The following RBM39 variants were observed in gnomAD, a reference collection of about 807,000 sequenced individuals.
RBM39 encodes RNA binding motif protein 39.
In RBM39, 12 loss-of-function variants were observed where a neutral mutation model predicts 79.6. The observed-to-expected ratio is 0.15, with a 90% CI of 0.10 to 0.24. RBM39 has a LOEUF of 0.24. RBM39 is among the 10% of genes least tolerant of loss of function. The pLI, the probability that RBM39 is intolerant of heterozygous loss-of-function variation, is 1.00. For synonymous variants in RBM39, 185 were observed against 208.4 expected, an observed-to-expected ratio of 0.89 and a Z score of 0.97; for missense variants, 243 against 653.4, an observed-to-expected ratio of 0.37 and a Z score of 6.85.
chr20:35,739,805 C>G (rs2040333841), intron 2 of RBM39: 1 of 256,274 alleles, frequency 3.9e-6, no homozygotes, highest in Non-Finnish European at 7.9e-6. Context: ...ATTGGTACCA[C>G]ATGGTCGTGC....
Position 35,714,407 on chromosome 20 carries a change from C to G in RBM39, c.892-18G>C. The stretch of plus-strand genomic sequence containing the variant: ...TCAGAAAACTACATGATAGGGGAGG[C>G]AAGGACAGGAGACAGTGCTTTAATT... On this transcript the variant is annotated intron_variant, in intron 10 of 16. Coordinates refer to ENST00000253363, the MANE Select transcript of RBM39 (RefSeq NM_184234.3). The G allele has an allele frequency of 6.2e-7, 1 of 1,611,562 alleles. No homozygotes were observed. The highest frequency in any genetic ancestry group is 8.5e-7 in the Non-Finnish European group (1 of 1,178,362).
rs772464305 is a variant in RBM39 at position 35,704,444 on chromosome 20, G to GA, written c.*36dup. On this transcript the variant is annotated 3_prime_UTR_variant, in exon 17 of 17. Transcript: ENST00000253363. Reference sequence around the variant, plus strand: ...TAACTCAAGATGAATTCTCAAGAAAGAAAAAAAGCTATATACATAAGGGAC... The same window carrying GA: ...TAACTCAAGATGAATTCTCAAGAAAGAAAAAAAAGCTATATACATAAGGGAC... 14 of 1,408,740 alleles carry GA rather than the reference G, an allele frequency of 9.9e-6. No individual in the cohort carries two copies. Among genetic ancestry groups the GA allele is most frequent in the East Asian group, 4.6e-5 (2 of 43,596 alleles). 87.3% of individuals were successfully genotyped at this position (1,408,740 alleles called of 1,614,324 possible).
At chr20:35,739,257 T>C (rs1379578688) in intron 2 of RBM39, 18 of 529,858 alleles carry the variant, frequency 3.4e-5, no homozygotes, top group Non-Finnish European at 2.0e-5. Flanking sequence ...ACATGTTAAA[T>C]TTTACTTTCT....
chr20:35,728,948 T>C (rs752455865), intron 6 of RBM39, among the ~76,000 whole-genome samples: 3 of 151,826 alleles, frequency 2.0e-5, no homozygotes, highest in Non-Finnish European at 4.4e-5. Context: ...TGGTGGTGCA[T>C]GCCTGTAATC....
chr20:35,727,294 G>T (rs2038833540), intron 6 of RBM39, among the ~76,000 whole-genome samples: 1 of 151,646 alleles, frequency 6.6e-6, no homozygotes, highest in Admixed American at 6.6e-5. Flanking sequence ...AAACTGCAGT[G>T]AGACATGATT....
intron 3 of RBM39, chr20:35,736,711 C>T (rs2039959645): frequency 7.5e-6 from 3 of 401,012 alleles, no homozygotes; most frequent in Non-Finnish European, 1.5e-5. Context: ...AGTACAATGG[C>T]ATAATCTCAG....
chr20:35,721,688 TTA>T, intron 9 of RBM39, 50 bp downstream of exon 9: 1 of 1,586,782 alleles, frequency 6.3e-7, no homozygotes, highest in African/African-American at 1.3e-5. Context: ...AATTATGTAG[TTA>T]TACTCAGATC....
chr20:35,731,503 T>G (rs1364654090), intron 4 of RBM39: 1 of 157,904 alleles, frequency 6.3e-6, no homozygotes, highest in Non-Finnish European at 1.4e-5. Context: ...GACAGACTTT[T>G]TATTTACTGT....
intron 15 of RBM39, 195 bp from the exon 16 acceptor site, chr20:35,704,941 C>G: frequency 1.7e-6 from 1 of 600,774 alleles, no homozygotes; most frequent in Non-Finnish European, 2.9e-6. Flanking sequence ...GCCGTTTTAT[C>G]TTTTCTCTAC....
intron 3 of RBM39, among the ~76,000 whole-genome samples, chr20:35,738,636 G>A (rs1464203299): frequency 6.6e-6 from 1 of 152,050 alleles, no homozygotes; most frequent in African/African-American, 2.4e-5. Context: ...TAAGATCAAT[G>A]GATATATAAC....
In RBM39 at chr20:35,740,891, G is replaced by A. The variant is rs1245076602; in HGVS notation, c.-13-4C>T. 2 of 1,601,524 alleles carry A rather than the reference G, an allele frequency of 1.2e-6. No homozygotes were observed. Among genetic ancestry groups the A allele is most frequent in the African/African-American group, 1.3e-5 (1 of 74,226 alleles). On this transcript the variant is annotated splice_region_variant and splice_polypyrimidine_tract_variant and intron_variant, in intron 1 of 16. Transcript: ENST00000253363. ...GTCTGCCATTTTCTCTAAACGCCTA[G>A]GAAGAGAACAAGACAATTTCTTGAG...
intron 4 of RBM39, among the ~76,000 whole-genome samples, chr20:35,730,906 TTTTTA>T (rs1437399371): frequency 1.4e-4 from 21 of 152,248 alleles, no homozygotes; most frequent in Non-Finnish European, 1.9e-4. Context: ...AGTTTAATTC[TTTTTA>T]TTTTAAAGAT....
chr20:35,704,545 G>C lies in RBM39; in HGVS notation c.1529C>G (p.Thr510Ser). 1 of 1,613,696 alleles carries C rather than the reference G, an allele frequency of 6.2e-7. No homozygotes were observed. The highest frequency in any genetic ancestry group is 8.5e-7 in the Non-Finnish European group (1 of 1,179,628). Reference sequence around the variant, plus strand: ...AGAATCAGGAAACAGGTTGTGGTAAGTTGGAAGAGGTACATATGCTGCTGT... The same window carrying C: ...AGAATCAGGAAACAGGTTGTGGTAACTTGGAAGAGGTACATATGCTGCTGT... The part of the protein sequence containing the change: ...MITAAYVPLP[T>S]YHNLFPDSMT... The change falls in exon 17 of 17, where the codon ACT (threonine) becomes AGT (serine). Residue 510 changes from threonine (T) to serine (S), a missense_variant. Transcript: ENST00000253363.
At chr20:35,728,745 C>T (rs2039036762) in intron 6 of RBM39, among the ~76,000 whole-genome samples, 1 of 152,064 alleles carries the variant, frequency 6.6e-6, no homozygotes, top group African/African-American at 2.4e-5. Flanking sequence ...CCACTGCACT[C>T]CAGCCTGGGT....
At chr20:35,739,283 T>C in intron 2 of RBM39, 1 of 480,734 alleles carries the variant, frequency 2.1e-6, no homozygotes, top group South Asian at 2.0e-5. Context: ...AGTTTAGATA[T>C]TAAAAGTTAT....
intron 8 of RBM39, 115 bp downstream of exon 8, chr20:35,724,455 A>G: frequency 9.8e-7 from 1 of 1,025,466 alleles, no homozygotes. Context: ...AAAGTCCTGA[A>G]AACATCCGAC....
At chr20:35,725,715 T>C (rs1474550166) in intron 6 of RBM39, among the ~76,000 whole-genome samples, 1 of 146,494 alleles carries the variant, frequency 6.8e-6, no homozygotes, top group African/African-American at 2.5e-5. Flanking sequence ...AGGCTTGGAG[T>C]GCAACGGCGC....
At chr20:35,718,578 G>A (rs1294973220) in intron 9 of RBM39, among the ~76,000 whole-genome samples, 2 of 151,912 alleles carry the variant, frequency 1.3e-5, no homozygotes, top group East Asian at 1.9e-4. Context: ...TTGGGAGGCC[G>A]AGGAGGGCGA....
chr20:35,712,095 C>T (rs1443576121), intron 12 of RBM39, among the ~76,000 whole-genome samples: 1 of 152,008 alleles, frequency 6.6e-6, no homozygotes, highest in Non-Finnish European at 1.5e-5. Context: ...TTATGATGTT[C>T]TAAAAGCACG....
Sources: gnomAD v4.1 joint callset for allele counts (sites outside exome capture counted in the v4.1 genomes callset) on GRCh38, gnomAD v4.1.1 for gene constraint, MANE v1.5 for transcripts, NCBI Gene and HGNC (gene_info 2026-07-23, HGNC 2026-07-21) for gene names.